The following SLAIN2 variants were observed in gnomAD, a reference collection of about 807,000 sequenced individuals.
The protein encoded by SLAIN2 is SLAIN family member 2, also known as SLAIN motif-containing protein 2.
SLAIN2 carries 31 observed loss-of-function variants against 56.6 expected under a neutral mutation model. The observed-to-expected ratio is 0.55, with a 90% CI of 0.41 to 0.74. SLAIN2 has a LOEUF of 0.74. Among genes scored for constraint, SLAIN2 ranks in the 30% least tolerant of loss-of-function variants. The pLI, the probability that SLAIN2 is intolerant of heterozygous loss-of-function variation, is 0.00. For missense variants in SLAIN2, 777 were observed against 754.2 expected (o/e 1.03, Z -0.35); for synonymous variants, 317 against 284.9 (o/e 1.11, Z -1.13).
At chr4:48,354,569 C>T (rs559837988) in intron 1 of SLAIN2, among the ~76,000 whole-genome samples, 11 of 151,906 alleles carry the variant, frequency 7.2e-5, no homozygotes, top group Non-Finnish European at 1.5e-4. Context: ...CGGGTTCAAG[C>T]GATTCTCCTG....
intron 2 of SLAIN2, among the ~76,000 whole-genome samples, chr4:48,374,102 G>T (rs961962609): frequency 3.9e-5 from 6 of 152,158 alleles, no homozygotes; most frequent in African/African-American, 1.4e-4. Context: ...GGCTCCATGT[G>T]GGATGAAGCA....
chr4:48,368,275 G>A (rs1236238432), intron 1 of SLAIN2, among the ~76,000 whole-genome samples: 2 of 151,882 alleles, frequency 1.3e-5, no homozygotes, highest in Non-Finnish European at 2.9e-5. Flanking sequence ...TGGCCAGGCT[G>A]GTCTTGAACT....
chr4:48,382,946 C>T lies in SLAIN2; in HGVS notation c.1222+19C>T. On this transcript the variant is annotated intron_variant, in intron 5 of 7. Transcript: ENST00000264313. The stretch of plus-strand genomic sequence containing the variant: ...AATGAAGGTAAAATAGCAGATTTTA[C>T]TAATAATTAGACAGTTTCTGCTAGC... 6.4e-7 allele frequency: 1 copy of T among 1,567,104 alleles called. No individual in the cohort carries two copies. Among genetic ancestry groups the T allele is most frequent in the Non-Finnish European group, 8.7e-7 (1 of 1,154,152 alleles).
chr4:48,409,405 G>A (rs1716786785), intron 6 of SLAIN2, among the ~76,000 whole-genome samples: 1 of 152,084 alleles, frequency 6.6e-6, no homozygotes, highest in Non-Finnish European at 1.5e-5. Flanking sequence ...ACACTCAGAT[G>A]TTCCTACACG....
intron 5 of SLAIN2, among the ~76,000 whole-genome samples, chr4:48,383,398 G>GT (rs1237784911): frequency 6.6e-6 from 1 of 151,896 alleles, no homozygotes; most frequent in Non-Finnish European, 1.5e-5. Flanking sequence ...GTTTTATGAA[G>GT]TTACCTGTAT....
intron 6 of SLAIN2, among the ~76,000 whole-genome samples, chr4:48,402,749 A>T (rs954721858): frequency 6.6e-6 from 1 of 152,232 alleles, no homozygotes; most frequent in Admixed American, 6.5e-5. Context: ...GCCTCAGCCC[A>T]GTTCTGTGCC....
At position 48,373,313 on chromosome 4, in the gene SLAIN2, G is replaced by C. The variant is rs192060050; in HGVS notation, c.538+3316G>C. Among the ~76,000 whole-genome samples the C allele has an allele frequency of 1.5e-3, 228 of 152,114 alleles. 1 individual carries two copies. The highest frequency in any genetic ancestry group is 2.7e-3 in the Non-Finnish European group (184 of 67,986). ...CATCCCATACTGAAATTCTGTACCC[G>C]TGTTAACCAATAACTTCCCATTCCC... On this transcript the variant is annotated intron_variant, in intron 2 of 7. Coordinates refer to ENST00000264313, the MANE Select transcript of SLAIN2 (RefSeq NM_020846.2).
At chr4:48,393,870 T>G (rs1716295535) in intron 6 of SLAIN2, among the ~76,000 whole-genome samples, 3 of 152,102 alleles carry the variant, frequency 2.0e-5, no homozygotes, top group Non-Finnish European at 2.9e-5. Flanking sequence ...GTTAATAGAT[T>G]AGGAGTTTGG....
At chr4:48,384,589 A>G (rs1272561803) in intron 6 of SLAIN2, among the ~76,000 whole-genome samples, 2 of 152,322 alleles carry the variant, frequency 1.3e-5, no homozygotes, top group East Asian at 3.8e-4. Flanking sequence ...CTAAACTCTT[A>G]AACAGAGAAG....
chr4:48,411,083 G>T (rs555759071), intron 6 of SLAIN2, among the ~76,000 whole-genome samples: 1 of 151,952 alleles, frequency 6.6e-6, no homozygotes, highest in South Asian at 2.1e-4. Flanking sequence ...TTTCGTCGTT[G>T]TTGTTTTAAC....
chr4:48,398,072 G>A (rs1716454707), intron 6 of SLAIN2, among the ~76,000 whole-genome samples: 1 of 152,144 alleles, frequency 6.6e-6, no homozygotes, highest in Admixed American at 6.5e-5. Context: ...TTAGATCTTT[G>A]AGGAATCACC....
chr4:48,385,816 C>T (rs1474965791), intron 6 of SLAIN2, among the ~76,000 whole-genome samples: 1 of 151,738 alleles, frequency 6.6e-6, no homozygotes, highest in Non-Finnish European at 1.5e-5. Flanking sequence ...TTCCTTGGCC[C>T]TGTTGTGTTT....
At chr4:48,352,166 C>T (rs147073445) in intron 1 of SLAIN2, among the ~76,000 whole-genome samples, 53 of 152,134 alleles carry the variant, frequency 3.5e-4, no homozygotes, top group East Asian at 2.3e-3. Context: ...AGTATGTAGG[C>T]GAGAACACAA....
chr4:48,385,942 G>A (rs1346597838), intron 6 of SLAIN2, among the ~76,000 whole-genome samples: 3 of 139,936 alleles, frequency 2.1e-5, no homozygotes, highest in East Asian at 4.1e-4. Context: ...CTAAAAAAAT[G>A]TTTTTTTTTT....
chr4:48,412,365 TACAC>T (rs748099130), intron 6 of SLAIN2, among the ~76,000 whole-genome samples: 5,983 of 112,686 alleles, frequency 0.053, 212 homozygotes, highest in African/African-American at 0.075. Flanking sequence ...TTTGTATATG[TACAC>T]ACACACACAC....
chr4:48,421,662 C>T (rs1302470328), intron 7 of SLAIN2, among the ~76,000 whole-genome samples: 3 of 152,064 alleles, frequency 2.0e-5, no homozygotes, highest in African/African-American at 4.8e-5. Context: ...GTGATGCTGA[C>T]ACTGAGCTTC....
intron 6 of SLAIN2, among the ~76,000 whole-genome samples, chr4:48,401,241 C>T (rs1716546146): frequency 6.6e-6 from 1 of 152,070 alleles, no homozygotes; most frequent in Admixed American, 6.6e-5. Flanking sequence ...ATCAGAAGAA[C>T]GTATATTCTG....
chr4:48,412,417 TTCC>T (rs1716888228), intron 6 of SLAIN2, among the ~76,000 whole-genome samples: 319 of 17,288 alleles, frequency 0.018, 9 homozygotes, highest in Non-Finnish European at 0.045. Flanking sequence ...CACACACACA[TTCC>T]CTCTCTCTCT....
At chr4:48,346,252 A>G (rs1482930709) in intron 1 of SLAIN2, among the ~76,000 whole-genome samples, 2 of 152,080 alleles carry the variant, frequency 1.3e-5, no homozygotes, top group African/African-American at 4.8e-5. Context: ...TTTTCTCTTT[A>G]GAAGTCACCA....
Sources: gnomAD v4.1 joint callset for allele counts (sites outside exome capture counted in the v4.1 genomes callset) on GRCh38, gnomAD v4.1.1 for gene constraint, MANE v1.5 for transcripts, NCBI Gene and HGNC (gene_info 2026-07-23, HGNC 2026-07-21) for gene names.